The following MALRD1 variants were observed in gnomAD, a reference collection of about 807,000 sequenced individuals.
MALRD1 encodes MAM and LDL-receptor class A domain-containing protein 1.
Under a neutral mutation model 242.1 loss-of-function variants are expected in MALRD1, and 247 were observed. That is an observed-to-expected ratio of 1.02 (90% CI 0.92 to 1.13). The LOEUF is 1.13. MALRD1 is among the 50% of genes most tolerant of loss of function. The probability of loss-of-function intolerance (pLI) is 0.00; values close to 1 mark genes in which losing one functional copy is unlikely to be tolerated. For synonymous variants in MALRD1, 995 were observed against 866.6 expected (o/e 1.15, Z -2.60); for missense variants, 2,989 against 2,533.1 (o/e 1.18, Z -3.86).
chr10:19,618,209 A>T (rs1839252875), intron 36 of MALRD1, among the ~76,000 whole-genome samples: 1 of 152,040 alleles, frequency 6.6e-6, no homozygotes, highest in African/African-American at 2.4e-5. Context: ...TATATGTACC[A>T]CATTTCCTTT....
intron 36 of MALRD1, among the ~76,000 whole-genome samples, chr10:19,633,506 A>G (rs1839998985): frequency 6.6e-6 from 1 of 152,164 alleles, no homozygotes; most frequent in African/African-American, 2.4e-5. Context: ...TTCTCCCCTT[A>G]GAAGTGGGTC....
chr10:19,214,472 C>T (rs1463955991), intron 18 of MALRD1, among the ~76,000 whole-genome samples: 1 of 152,202 alleles, frequency 6.6e-6, no homozygotes, highest in Non-Finnish European at 1.5e-5. Context: ...TTTATCAATA[C>T]AGTCTGTTGC....
At chr10:19,329,087 T>C (rs78852935) in intron 23 of MALRD1, among the ~76,000 whole-genome samples, 1 of 152,238 alleles carries the variant, frequency 6.6e-6, no homozygotes, top group African/African-American at 2.4e-5. Flanking sequence ...TTCTAGTTTT[T>C]CACATATTGA....
At chr10:19,587,800 A>T (rs1436106998) in intron 33 of MALRD1, among the ~76,000 whole-genome samples, 1 of 152,160 alleles carries the variant, frequency 6.6e-6, no homozygotes, top group Non-Finnish European at 1.5e-5. Flanking sequence ...CAGGAATTGG[A>T]ACTGTCTGCA....
chr10:19,719,232 A>ATATG (rs1564567440), intron 38 of MALRD1, among the ~76,000 whole-genome samples: 6 of 39,616 alleles, frequency 1.5e-4, no homozygotes, highest in African/African-American at 9.3e-4. Flanking sequence ...ACATATATAT[A>ATATG]TATATATATA....
At chr10:19,621,069 G>C (rs1228638421) in intron 36 of MALRD1, among the ~76,000 whole-genome samples, 1 of 150,366 alleles carries the variant, frequency 6.7e-6, no homozygotes, top group Non-Finnish European at 1.5e-5. Context: ...TCTTAAATTA[G>C]AAATCTTGTA....
intron 38 of MALRD1, among the ~76,000 whole-genome samples, chr10:19,719,197 T>TATATATATATACACATATATATATATAC (rs1564567204): frequency 1.6e-4 from 5 of 31,624 alleles, no homozygotes; most frequent in Non-Finnish European, 2.9e-4. Flanking sequence ...TATACATACA[T>TATATATATATACACATATATATATATAC]ATATATATAT....
In MALRD1 at chr10:19,048,909, T is replaced by C. The variant is rs1834406748; in HGVS notation, c.-30T>C. On this transcript the variant is annotated 5_prime_UTR_variant, in exon 1 of 40. Transcript: ENST00000454679. ...CAATGATGGACTTACTTATTACAAC[T>C]GCTTGATCTCTAATAGACAATACCA... 1 of 1,224,718 alleles carries C rather than the reference T, an allele frequency of 8.2e-7. No homozygotes were observed. 75.9% of individuals were successfully genotyped at this position (1,224,718 alleles called of 1,614,324 possible).
At chr10:19,579,557 G>C (rs1837003829) in intron 33 of MALRD1, among the ~76,000 whole-genome samples, 1 of 152,152 alleles carries the variant, frequency 6.6e-6, no homozygotes, top group Non-Finnish European at 1.5e-5. Flanking sequence ...TCCACTCATA[G>C]GACCGATGAT....
chr10:19,170,589 C>T (rs564796611), intron 13 of MALRD1, among the ~76,000 whole-genome samples: 14 of 152,070 alleles, frequency 9.2e-5, no homozygotes, highest in African/African-American at 2.2e-4. Context: ...ATCGAGTCTC[C>T]GTAAAGTTGC....
At chr10:19,201,817 T>G (rs573732124) in intron 14 of MALRD1, among the ~76,000 whole-genome samples, 1 of 152,292 alleles carries the variant, frequency 6.6e-6, no homozygotes, top group Non-Finnish European at 1.5e-5. Context: ...AAACTTTACT[T>G]GATAAATCTT....
intron 33 of MALRD1, among the ~76,000 whole-genome samples, chr10:19,592,765 A>ACACG (rs1161034948): frequency 4.1e-5 from 6 of 145,092 alleles, no homozygotes; most frequent in African/African-American, 1.3e-4. Flanking sequence ...ACACACACGC[A>ACACG]CGCACACACA....
intron 13 of MALRD1, 105 bp from the exon 14 acceptor site, chr10:19,175,103 A>T: frequency 1.3e-6 from 1 of 790,276 alleles, no homozygotes; most frequent in Non-Finnish European, 1.7e-6. Context: ...ATTAGATTGG[A>T]GAATGGGACA....
intron 23 of MALRD1, among the ~76,000 whole-genome samples, chr10:19,329,650 G>A (rs1476404026): frequency 6.6e-6 from 1 of 152,172 alleles, no homozygotes. Context: ...ACAAATGGCA[G>A]AGGCTGACTG....
chr10:19,386,719 T>TACAC (rs764390463), intron 26 of MALRD1, among the ~76,000 whole-genome samples: 11 of 48,814 alleles, frequency 2.3e-4, no homozygotes, highest in African/African-American at 6.9e-4. Flanking sequence ...TACATATACA[T>TACAC]ATACACACAC....
intron 5 of MALRD1, among the ~76,000 whole-genome samples, chr10:19,122,880 C>T (rs1244082607): frequency 2.0e-5 from 3 of 152,220 alleles, no homozygotes; most frequent in Middle Eastern, 3.4e-3. Flanking sequence ...TGCCTGCCAC[C>T]ACGCCCAGAT....
intron 18 of MALRD1, among the ~76,000 whole-genome samples, chr10:19,240,023 G>C (rs1488412736): frequency 2.6e-5 from 4 of 151,912 alleles, no homozygotes; most frequent in Admixed American, 2.6e-4. Context: ...ACTTTTTTCT[G>C]TTTCTGTGAA....
intron 34 of MALRD1, among the ~76,000 whole-genome samples, chr10:19,597,171 C>G (rs993118109): frequency 1.4e-4 from 22 of 152,114 alleles, no homozygotes; most frequent in African/African-American, 5.1e-4. Flanking sequence ...TTCTTAGAAA[C>G]AAGGTAAGCA....
intron 38 of MALRD1, among the ~76,000 whole-genome samples, chr10:19,694,227 G>A (rs891020423): frequency 1.2e-4 from 19 of 152,146 alleles, no homozygotes; most frequent in South Asian, 2.1e-4. Flanking sequence ...TTGACAAATG[G>A]GATCTAATTA....
Sources: allele counts gnomAD v4.1 joint callset (sites outside exome capture counted in the v4.1 genomes callset), GRCh38; gene constraint gnomAD v4.1.1; transcripts MANE v1.5; gene names NCBI Gene and HGNC (gene_info 2026-07-23, HGNC 2026-07-21).